MYO10: variants seen among roughly 807,000 people sequenced by gnomAD.
MYO10 encodes myosin X, also known as unconventional myosin-X.
A neutral mutation model predicts 257.3 loss-of-function variants in MYO10; 133 were observed. That is an observed-to-expected ratio of 0.52 (90% CI 0.45 to 0.60). MYO10 has a LOEUF of 0.60. Ranked by LOEUF, MYO10 falls within the 20% of genes least tolerant of loss-of-function variation. MYO10 has a pLI of 0.00. For synonymous variants in MYO10, 1,104 were observed against 1,028.6 expected (o/e 1.07, Z -1.40); for missense variants, 2,399 against 2,635.7 (o/e 0.91, Z 1.97).
At chr5:16,918,307 C>T (rs977233328) in intron 1 of MYO10, among the ~76,000 whole-genome samples, 2 of 152,026 alleles carry the variant, frequency 1.3e-5, no homozygotes, top group African/African-American at 2.4e-5. Flanking sequence ...CAGCAGATTA[C>T]AAGCAAGATT....
chr5:16,679,014 A>G (rs1736859991), intron 33 of MYO10, among the ~76,000 whole-genome samples: 1 of 152,234 alleles, frequency 6.6e-6, no homozygotes, highest in South Asian at 2.1e-4. Flanking sequence ...CAGGGCTGCC[A>G]TGCAACCATT....
chr5:16,761,622 G>T, intron 16 of MYO10, 76 bp from the exon 17 acceptor site: 1 of 1,021,742 alleles, frequency 9.8e-7, no homozygotes, highest in Non-Finnish European at 1.5e-6. Context: ...CCCTGAAAGA[G>T]CCACAAAAAG....
rs3060810 is a variant in MYO10 at position 16,897,302 on chromosome 5, T to TAAA, written c.22-19598_22-19596dup. ...AATATCGCCTGAAATTTACACTTCG[T>TAAA]AAAAAAAAAAAAAAAAAGTCCTTTA... is the stretch of plus-strand genomic sequence containing the variant. On this transcript the variant is annotated intron_variant, in intron 1 of 40. Transcript: ENST00000513610. Among the ~76,000 whole-genome samples, 188 of 129,086 alleles carry TAAA rather than the reference T, an allele frequency of 1.5e-3. 9 individuals carry two copies. The highest frequency in any genetic ancestry group is 1.8e-3 in the Admixed American group (23 of 12,590). 84.7% of individuals were successfully genotyped at this position (129,086 alleles called of 152,430 possible). A position where few individuals can be genotyped will look rare whatever the true frequency, so the allele number is the denominator to read the frequency against.
At chr5:16,742,531 A>C (rs922010601) in intron 19 of MYO10, among the ~76,000 whole-genome samples, 1 of 152,078 alleles carries the variant, frequency 6.6e-6, no homozygotes, top group African/African-American at 2.4e-5. Context: ...GCAATCAAAA[A>C]CCAGAAGGGC....
intron 19 of MYO10, among the ~76,000 whole-genome samples, chr5:16,739,191 CAAAAAA>C (rs1218627544): frequency 1.0e-5 from 1 of 96,550 alleles, no homozygotes. Flanking sequence ...AATCATGTCC[CAAAAAA>C]AAAAAAAAAA....
chr5:16,884,078 T>G (rs1744831013), intron 1 of MYO10, among the ~76,000 whole-genome samples: 1 of 152,186 alleles, frequency 6.6e-6, no homozygotes, highest in African/African-American at 2.4e-5. Flanking sequence ...TCTTGAAATG[T>G]GATCTGCTTT....
intron 19 of MYO10, chr5:16,741,708 T>C: frequency 1.2e-6 from 1 of 830,548 alleles, no homozygotes; most frequent in Non-Finnish European, 1.5e-6. Flanking sequence ...CAGCAAAATC[T>C]GTTCCCCGTG....
At chr5:16,674,247 C>A (rs1040720052) in intron 35 of MYO10, among the ~76,000 whole-genome samples, 6 of 152,148 alleles carry the variant, frequency 3.9e-5, no homozygotes, top group African/African-American at 1.4e-4. Context: ...GCGGGTGGAT[C>A]ACCTGAGGTC....
At chr5:16,747,811 TG>T (rs1243970942) in intron 19 of MYO10, among the ~76,000 whole-genome samples, 1 of 147,412 alleles carries the variant, frequency 6.8e-6, no homozygotes, top group African/African-American at 2.5e-5. Flanking sequence ...CCCAGCTACT[TG>T]GGAGGCTGAG....
intron 3 of MYO10, among the ~76,000 whole-genome samples, chr5:16,805,537 G>A (rs1308894241): frequency 1.3e-5 from 2 of 151,222 alleles, no homozygotes; most frequent in Admixed American, 1.3e-4. Flanking sequence ...ATGGGCTCAC[G>A]TCATTTCTCA....
At chr5:16,913,577 G>A (rs760353082) in intron 1 of MYO10, among the ~76,000 whole-genome samples, 7 of 152,172 alleles carry the variant, frequency 4.6e-5, no homozygotes, top group Non-Finnish European at 1.0e-4. Flanking sequence ...AGAGTGCCAG[G>A]GAAGGCTGGC....
intron 1 of MYO10, among the ~76,000 whole-genome samples, chr5:16,885,129 G>A (rs1372324723): frequency 6.6e-6 from 1 of 151,568 alleles, no homozygotes; most frequent in African/African-American, 2.4e-5. Flanking sequence ...GAAAAGAGGA[G>A]CAGAGGCCGA....
At chr5:16,679,556 ACT>A (rs1736891718) in intron 33 of MYO10, among the ~76,000 whole-genome samples, 3 of 128,200 alleles carry the variant, frequency 2.3e-5, no homozygotes, top group African/African-American at 3.3e-5. Flanking sequence ...ACGAAGTCTC[ACT>A]CTGTCACCTA....
At chr5:16,710,618 T>C in intron 21 of MYO10, 1 of 418,094 alleles carries the variant, frequency 2.4e-6, no homozygotes, top group Non-Finnish European at 4.4e-6. Flanking sequence ...CTGTTATTCG[T>C]CTGCCAACAT....
intron 29 of MYO10, among the ~76,000 whole-genome samples, chr5:16,685,058 T>G (rs565956958): frequency 1.3e-5 from 2 of 151,508 alleles, no homozygotes; most frequent in African/African-American, 4.9e-5. Context: ...AAAAAAAAAA[T>G]AAGAATACAA....
intron 32 of MYO10, among the ~76,000 whole-genome samples, chr5:16,680,677 A>C (rs1166957531): frequency 6.6e-6 from 1 of 152,322 alleles, no homozygotes; most frequent in Middle Eastern, 3.4e-3. Context: ...ATACTACAAA[A>C]ATTACAAGAA....
At chr5:16,680,208 C>T (rs2126492879) in intron 32 of MYO10, 104 bp from the exon 33 acceptor site, 1 of 1,345,606 alleles carries the variant, frequency 7.4e-7, no homozygotes, top group South Asian at 1.5e-5. Flanking sequence ...TTATTCAATT[C>T]AATAGACACT....
intron 2 of MYO10, among the ~76,000 whole-genome samples, chr5:16,840,352 C>T (rs558579892): frequency 6.6e-6 from 1 of 152,244 alleles, no homozygotes; most frequent in Admixed American, 6.5e-5. Context: ...GCAGAGGTTG[C>T]AGTGAGCCAA....
rs747237891 is a variant in MYO10, at chr5:16,935,835, G to A, written c.-27C>T. On this transcript the variant is annotated 5_prime_UTR_variant, in exon 1 of 41. Coordinates refer to ENST00000513610, the MANE Select transcript of MYO10 (RefSeq NM_012334.3). ...GTTCCAGCGCAGTCCCGGACTCGCC[G>A]AGTGCCGCTCCGACTCGCGGAAGTC... 5 of 1,612,022 alleles carry A rather than the reference G, an allele frequency of 3.1e-6. No homozygotes were observed. The highest frequency in any genetic ancestry group is 4.2e-6 in the Non-Finnish European group (5 of 1,179,308).
Sources: gnomAD v4.1 joint callset for allele counts (sites outside exome capture counted in the v4.1 genomes callset) on GRCh38, gnomAD v4.1.1 for gene constraint, MANE v1.5 for transcripts, NCBI Gene and HGNC (gene_info 2026-07-23, HGNC 2026-07-21) for gene names.